BTG4: variants seen among roughly 807,000 people sequenced by gnomAD.
The protein encoded by BTG4 is protein BTG4.
A neutral mutation model predicts 19.3 loss-of-function variants in BTG4; 10 were observed. The ratio of observed to expected loss-of-function variants is 0.52; its 90% CI spans 0.32 to 0.88. BTG4 has a LOEUF of 0.88. Ranked by LOEUF, BTG4 falls within the 40% of genes least tolerant of loss-of-function variation. The pLI is 0.04. For synonymous variants in BTG4, 91 were observed against 95.7 expected (o/e 0.95, Z 0.29); for missense variants, 238 against 281.9 (o/e 0.84, Z 1.11).
rs1393945292 is a variant in BTG4 at position 111,495,038 on chromosome 11, T to C, written c.*97A>G. The C allele has an allele frequency of 7.3e-7, 1 of 1,369,592 alleles. No homozygotes were observed. The highest frequency in any genetic ancestry group is 2.8e-5 in the East Asian group (1 of 35,788). 84.8% of individuals were successfully genotyped at this position (1,369,592 alleles called of 1,614,324 possible). On this transcript the variant is annotated 3_prime_UTR_variant, in exon 5 of 5. Transcript: ENST00000692032. ...CCCTAGTCCCTAATATGGTCATTTT[T>C]TGTTTCATGGGCCTCTCAACCTTAA...
exon 6 of BTG4, chr11:111,467,621 T>C: frequency 1.3e-6 from 1 of 759,236 alleles, no homozygotes; most frequent in Admixed American, 1.8e-5. Flanking sequence ...GGCAGTGCCT[T>C]CCAAGGTGCC....
the BTG4 span, among the ~76,000 whole-genome samples, chr11:111,441,914 C>G: frequency 2.0e-5 from 3 of 151,552 alleles, no homozygotes; most frequent in African/African-American, 4.9e-5. Flanking sequence ...CAAAAATTAG[C>G]CAGGCATGGT....
chr11:111,455,621 G>T, the BTG4 span: 1 of 306,826 alleles, frequency 3.3e-6, no homozygotes, highest in South Asian at 2.7e-5. Context: ...ACCCAGAAAA[G>T]TGTGGATCTG....
chr11:111,459,231 T>C, the BTG4 span, among the ~76,000 whole-genome samples: 1 of 150,626 alleles, frequency 6.6e-6, no homozygotes, highest in Non-Finnish European at 1.5e-5. Context: ...GACGGTGAGA[T>C]TCCGTCTCAA....
chr11:111,507,594 T>C (rs952731658), intron 1 of BTG4, among the ~76,000 whole-genome samples: 2 of 152,118 alleles, frequency 1.3e-5, no homozygotes, highest in Non-Finnish European at 2.9e-5. Flanking sequence ...GACCAAACCT[T>C]GGTGATGTGG....
chr11:111,477,302 T>TA (rs1864451364), intron 5 of BTG4, among the ~76,000 whole-genome samples: 1 of 152,142 alleles, frequency 6.6e-6, no homozygotes, highest in Non-Finnish European at 1.5e-5. Context: ...AGTTCTTTTT[T>TA]AAAATCGACA....
At chr11:111,461,627 T>C in the BTG4 span, among the ~76,000 whole-genome samples, 1 of 151,928 alleles carries the variant, frequency 6.6e-6, no homozygotes, top group Non-Finnish European at 1.5e-5. Context: ...GTCAGGAGAA[T>C]TGCTTGAACC....
the BTG4 span, among the ~76,000 whole-genome samples, chr11:111,420,417 A>G: frequency 6.6e-6 from 1 of 152,220 alleles, no homozygotes; most frequent in Admixed American, 6.5e-5. Flanking sequence ...AGAAAGCCAC[A>G]TTTTTTACAC....
At chr11:111,509,129 T>C (rs939742665) in intron 1 of BTG4, among the ~76,000 whole-genome samples, 11 of 152,178 alleles carry the variant, frequency 7.2e-5, no homozygotes, top group Non-Finnish European at 1.2e-4. Flanking sequence ...GCACTCTTAC[T>C]AATGAGAGTA....
downstream of BTG4, chr11:111,467,414 C>T (rs550358897): frequency 2.1e-5 from 9 of 428,572 alleles, no homozygotes; most frequent in African/African-American, 8.2e-5. Flanking sequence ...TTCCTGTATA[C>T]TAAGCCTACT....
In BTG4 at chr11:111,494,960, A is replaced by G. The variant is rs1865628314; in HGVS notation, c.*175T>C. 1.1e-5 allele frequency: 11 copies of G among 985,102 alleles called. No individual in the cohort carries two copies. The highest frequency in any genetic ancestry group is 1.7e-5 in the African/African-American group (1 of 57,224). 61.0% of individuals were successfully genotyped at this position (985,102 alleles called of 1,614,324 possible). ...TTCATGTAAAATTAAATAAGAATTA[A>G]AAGTACAGCTAAGAACAGTGATGAT... On this transcript the variant is annotated 3_prime_UTR_variant, in exon 5 of 5. Transcript: ENST00000692032.
intron 5 of BTG4, among the ~76,000 whole-genome samples, chr11:111,485,261 C>A (rs919202301): frequency 3.5e-4 from 53 of 152,148 alleles, no homozygotes; most frequent in Non-Finnish European, 7.4e-4. Flanking sequence ...AAGGACCTAA[C>A]AGACATTTAC....
At chr11:111,404,169 T>C in the BTG4 span, among the ~76,000 whole-genome samples, 1 of 152,304 alleles carries the variant, frequency 6.6e-6, no homozygotes, top group East Asian at 1.9e-4. Context: ...TCTCTTTTCT[T>C]GCCTGCCACC....
chr11:111,401,398 C>T, the BTG4 span, among the ~76,000 whole-genome samples: 1 of 151,510 alleles, frequency 6.6e-6, no homozygotes, highest in Non-Finnish European at 1.5e-5. Context: ...AGGAGAATGG[C>T]GTGAACCCAG....
chr11:111,445,389 G>T, the BTG4 span, among the ~76,000 whole-genome samples: 1 of 152,142 alleles, frequency 6.6e-6, no homozygotes, highest in African/African-American at 2.4e-5. Context: ...ATTGTGTATC[G>T]TGCCAACAGG....
chr11:111,394,365 A>G, the BTG4 span, among the ~76,000 whole-genome samples: 2 of 152,188 alleles, frequency 1.3e-5, no homozygotes, highest in Admixed American at 1.3e-4. Flanking sequence ...TAATTGAGTC[A>G]TAGGGGCAGT....
chr11:111,463,684 T>C (rs1565435453), downstream of BTG4, among the ~76,000 whole-genome samples: 1 of 152,250 alleles, frequency 6.6e-6, no homozygotes. Flanking sequence ...TCTGATGGCT[T>C]AAAATGACAT....
chr11:111,388,339 T>G, the BTG4 span, among the ~76,000 whole-genome samples: 2 of 151,800 alleles, frequency 1.3e-5, no homozygotes, highest in Non-Finnish European at 2.9e-5. Context: ...GTGTGTGTTT[T>G]TTTTTTTTTA....
chr11:111,428,780 C>T, the BTG4 span, among the ~76,000 whole-genome samples: 2 of 152,140 alleles, frequency 1.3e-5, no homozygotes, highest in African/African-American at 4.8e-5. Context: ...CAGGGTCTAC[C>T]AGTGTGAGAG....
Sources: allele counts gnomAD v4.1 joint callset (sites outside exome capture counted in the v4.1 genomes callset), GRCh38; gene constraint gnomAD v4.1.1; transcripts MANE v1.5; gene names NCBI Gene and HGNC (gene_info 2026-07-23, HGNC 2026-07-21).